Variants in FAM135B observed in about 807,000 individuals in gnomAD.
FAM135B encodes family with sequence similarity 135 member B.
FAM135B carries 43 observed loss-of-function variants against 127.7 expected under a neutral mutation model. That is an observed-to-expected ratio of 0.34 (90% CI 0.26 to 0.43). The LOEUF is 0.43. Ranked by LOEUF, FAM135B falls within the 20% of genes least tolerant of loss-of-function variation. The pLI is 1.00. For missense variants in FAM135B, 1,558 were observed against 1,725.6 expected (o/e 0.90, Z 1.72); for synonymous variants, 670 against 665.1 (o/e 1.01, Z -0.11).
chr8:138,371,940 T>A (rs1316933250), intron 1 of FAM135B, among the ~76,000 whole-genome samples: 3 of 152,206 alleles, frequency 2.0e-5, no homozygotes, highest in Admixed American at 2.0e-4. Context: ...CTAAAGCACA[T>A]GATGCTTACG....
chr8:138,193,781 T>C (rs1816359583), intron 9 of FAM135B, among the ~76,000 whole-genome samples: 1 of 152,020 alleles, frequency 6.6e-6, no homozygotes, highest in Non-Finnish European at 1.5e-5. Flanking sequence ...TCTCTAGCGG[T>C]CCCCTCAGAA....
At position 138,331,921 on chromosome 8, in the gene FAM135B, T is replaced by C. The variant is rs369874543; in HGVS notation, c.78-21001A>G. Among the ~76,000 whole-genome samples the C allele has an allele frequency of 7.9e-5, 12 of 152,182 alleles. 1 individual carries two copies. In the East Asian group the frequency reaches 1.2e-3, roughly 15 times the overall value. On this transcript the variant is annotated intron_variant, in intron 2 of 19. Coordinates refer to ENST00000395297, the MANE Select transcript of FAM135B (RefSeq NM_015912.4). ...GCCCCCAGGTGATATGGTCAAAAGGTCCCAGAACCACCCCTAACACCAATC... is the reference window on the plus strand; with the variant it reads ...GCCCCCAGGTGATATGGTCAAAAGGCCCCAGAACCACCCCTAACACCAATC...
At chr8:138,178,907 G>A (rs1295742361) in intron 9 of FAM135B, among the ~76,000 whole-genome samples, 1 of 152,104 alleles carries the variant, frequency 6.6e-6, no homozygotes, top group African/African-American at 2.4e-5. Context: ...ATAAATTATT[G>A]AGGTAGTTCC....
chr8:138,178,735 A>G (rs555003507), intron 9 of FAM135B, 45 bp from the exon 10 acceptor site: 14 of 1,568,742 alleles, frequency 8.9e-6, no homozygotes, highest in Non-Finnish European at 1.2e-5. Flanking sequence ...TGACTCCATG[A>G]AGTCAGGAGC....
At chr8:138,411,602 A>C (rs944463616) in intron 1 of FAM135B, among the ~76,000 whole-genome samples, 13 of 152,294 alleles carry the variant, frequency 8.5e-5, no homozygotes, top group African/African-American at 3.1e-4. Context: ...TAAAACACCA[A>C]AAGCAATGGC....
intron 3 of FAM135B, among the ~76,000 whole-genome samples, chr8:138,282,805 T>C (rs77488264): frequency 0.012 from 1,825 of 152,286 alleles, 39 homozygotes; most frequent in African/African-American, 0.041. Context: ...CATCTTACCA[T>C]GTGATCCAGC....
At position 138,167,997 on chromosome 8, in the gene FAM135B, T is replaced by G. The variant is rs1820099158; in HGVS notation, c.1156A>C (p.Thr386Pro). ...TCTGCAGGCAGCGGGGGCATGCTAGTGAGGTACTCCGAGTTCCGGATATCC... is the reference window on the plus strand; with the variant it reads ...TCTGCAGGCAGCGGGGGCATGCTAGGGAGGTACTCCGAGTTCCGGATATCC... Reference protein sequence around the residue: ...SLDIRNSEYLTSMPPLPAECL... With the variant: ...SLDIRNSEYLPSMPPLPAECL... Residue 386 changes from threonine to proline, a missense_variant, in exon 12 of 20, where the codon ACT becomes CCT. By Grantham distance (38) the Thr-to-Pro change is conservative (BLOSUM62 -1). Coordinates refer to ENST00000395297, the MANE Select transcript of FAM135B (RefSeq NM_015912.4). 6.2e-7 allele frequency: 1 copy of G among 1,613,872 alleles called. No homozygotes were observed. The highest frequency in any genetic ancestry group is 8.5e-7 in the Non-Finnish European group (1 of 1,179,886).
At chr8:138,292,276 G>T (rs1586984914) in intron 3 of FAM135B, among the ~76,000 whole-genome samples, 1 of 152,176 alleles carries the variant, frequency 6.6e-6, no homozygotes, top group Admixed American at 6.5e-5. Flanking sequence ...AAAGGGCACA[G>T]ATACATGTAA....
chr8:138,473,419 T>C lies in FAM135B; in HGVS notation c.-20+23252A>G, dbSNP rs185517424. On this transcript the variant is annotated intron_variant, in intron 1 of 19. Transcript: ENST00000395297. ...CTCCTGTATAAGGGGATAAAGTCCC[T>C]GCTGCTTCTCCAATCTCTCATCCTA... is the stretch of plus-strand genomic sequence containing the variant. 4.0e-4 allele frequency among the ~76,000 whole-genome samples: 61 copies of C among 152,298 alleles called. 1 individual carries two copies. Among genetic ancestry groups the C allele is most frequent in the South Asian group, 2.1e-3 (10 of 4,832 alleles).
intron 3 of FAM135B, among the ~76,000 whole-genome samples, chr8:138,286,292 A>G (rs964158025): frequency 2.0e-5 from 3 of 152,234 alleles, no homozygotes; most frequent in African/African-American, 4.8e-5. Flanking sequence ...GAGTGGGTGA[A>G]AACCATGGCT....
At chr8:138,468,654 C>T (rs1022269659) in intron 1 of FAM135B, among the ~76,000 whole-genome samples, 1 of 152,190 alleles carries the variant, frequency 6.6e-6, no homozygotes, top group Non-Finnish European at 1.5e-5. Flanking sequence ...TCCTCTTAAA[C>T]ATCACAACTG....
chr8:138,384,705 T>C (rs17667261), intron 1 of FAM135B, among the ~76,000 whole-genome samples: 24,838 of 152,008 alleles, frequency 0.16, 2,347 homozygotes, highest in Non-Finnish European at 0.22. Context: ...GATGCAGCCA[T>C]GGAAGGAAAC....
intron 2 of FAM135B, among the ~76,000 whole-genome samples, chr8:138,328,283 C>T (rs1827943896): frequency 6.6e-6 from 1 of 152,170 alleles, no homozygotes. Context: ...GCTTACATGT[C>T]ATTTTGGCTC....
At chr8:138,313,905 C>T (rs976616408) in intron 2 of FAM135B, among the ~76,000 whole-genome samples, 2 of 151,122 alleles carry the variant, frequency 1.3e-5, no homozygotes, top group Admixed American at 6.6e-5. Flanking sequence ...AAGTTTGAAT[C>T]TTCTGACACT....
At chr8:138,222,123 C>T (rs564585109) in intron 7 of FAM135B, among the ~76,000 whole-genome samples, 109 of 151,384 alleles carry the variant, frequency 7.2e-4, no homozygotes, top group Non-Finnish European at 1.3e-3. Context: ...GAGAGAGAGA[C>T]GGGAAGCCGA....
At chr8:138,401,338 G>C (rs538495665) in intron 1 of FAM135B, among the ~76,000 whole-genome samples, 1 of 152,298 alleles carries the variant, frequency 6.6e-6, no homozygotes, top group African/African-American at 2.4e-5. Context: ...GATCTAAGCT[G>C]ATCTACCATC....
chr8:138,367,335 T>C (rs761998757), intron 2 of FAM135B: 10 of 454,748 alleles, frequency 2.2e-5, no homozygotes, highest in South Asian at 1.6e-4. Flanking sequence ...TTACTTACAA[T>C]GAGCCTTGGA....
At position 138,151,398 on chromosome 8, in the gene FAM135B, T is replaced by C. The variant is rs2130728048; in HGVS notation, c.3077A>G (p.Lys1026Arg). Residue 1026 changes from lysine to arginine, a missense_variant, in exon 13 of 20, where the codon AAG becomes AGG. This residue lies in a region of FAM135B where 923 missense variants were observed against 865.3 expected (regional missense o/e 1.07). Coordinates refer to ENST00000395297, the MANE Select transcript of FAM135B (RefSeq NM_015912.4). The stretch of plus-strand genomic sequence containing the variant: ...AGATAAGTTCACAACCTCCACAGCC[T>C]TCAGGCTGTCCAGAGTAAAGGTCTC... ...SAETFTLDSL[K>R]AVEVVNLSVS... 6.2e-7 allele frequency: 1 copy of C among 1,613,884 alleles called. No individual in the cohort carries two copies. Among genetic ancestry groups the C allele is most frequent in the Non-Finnish European group, 8.5e-7 (1 of 1,179,906 alleles).
chr8:138,371,861 T>A (rs1271364868), intron 1 of FAM135B, among the ~76,000 whole-genome samples: 1 of 152,214 alleles, frequency 6.6e-6, no homozygotes, highest in Non-Finnish European at 1.5e-5. Flanking sequence ...CTGCATTTGG[T>A]GTGCCTCTGA....
Sources: gnomAD v4.1 joint callset for allele counts (sites outside exome capture counted in the v4.1 genomes callset) on GRCh38, gnomAD v4.1.1 for gene constraint, gnomAD v4.1.1 regional missense constraint, MANE v1.5 for transcripts, NCBI Gene and HGNC (gene_info 2026-07-23, HGNC 2026-07-21) for gene names.